CLUAP1: variants seen among roughly 807,000 people sequenced by gnomAD.
CLUAP1 encodes intraflagellar transport 38, also known as clusterin-associated protein 1.
CLUAP1 carries 50 observed loss-of-function variants against 55.0 expected under a neutral mutation model. That is an observed-to-expected ratio of 0.91 (90% CI 0.72 to 1.15). The LOEUF (loss-of-function observed/expected upper bound fraction) is 1.15, where lower values mean the gene tolerates loss of function less well. CLUAP1 is among the 50% of genes most tolerant of loss of function. The pLI is 0.00. For missense variants in CLUAP1, 530 were observed against 507.6 expected, an observed-to-expected ratio of 1.04 and a Z score of -0.42; for synonymous variants, 195 against 175.4, an observed-to-expected ratio of 1.11 and a Z score of -0.88.
rs368618521 is a variant in CLUAP1 at position 3,527,773 on chromosome 16, G to A, written c.928+1289G>A. Among the ~76,000 whole-genome samples, 12 of 152,140 alleles carry A rather than the reference G, an allele frequency of 7.9e-5. No individual in the cohort carries two copies. In the East Asian group the frequency reaches 1.2e-3, roughly 15 times the overall value. On this transcript the variant is annotated intron_variant, in intron 9 of 11. Transcript: ENST00000576634. The stretch of plus-strand genomic sequence containing the variant: ...AAGTACTAAAAGTCTCTGATAAGCA[G>A]AAATAATGGCGTAAGCTGTCTCTCT...
chr16:3,529,729 AT>A (rs2038059750), intron 9 of CLUAP1, among the ~76,000 whole-genome samples: 1 of 40,470 alleles, frequency 2.5e-5, no homozygotes, highest in African/African-American at 1.1e-4. Context: ...TATATATTAT[AT>A]ATATTATTAT....
intron 2 of CLUAP1, among the ~76,000 whole-genome samples, chr16:3,505,498 G>A (rs1443138328): frequency 3.6e-5 from 5 of 140,328 alleles, no homozygotes; most frequent in Non-Finnish European, 7.5e-5. Context: ...AGTGAGCCGA[G>A]ATAGCGCCAC....
Position 3,523,350 on chromosome 16 carries a change from G to A in CLUAP1, c.855+51G>A, listed in dbSNP as rs765602928. ...GCCATTCCTTCTGGTGTGTTATTTT[G>A]TACTGGGTGACAGGTCATTTTGTTA... On this transcript the variant is annotated intron_variant, in intron 8 of 11. Coordinates refer to ENST00000576634, the MANE Select transcript of CLUAP1 (RefSeq NM_015041.3). 4.5e-6 allele frequency: 7 copies of A among 1,548,422 alleles called. No homozygotes were observed. The African/African-American group carries it at 5.6e-5, about 12-fold the overall frequency.
chr16:3,537,098 G>C lies in CLUAP1; in HGVS notation c.*827G>C, dbSNP rs1009140746. The C allele has an allele frequency of 2.0e-5, 3 of 152,202 alleles. No individual in the cohort carries two copies. Among genetic ancestry groups the C allele is most frequent in the African/African-American group, 7.2e-5 (3 of 41,434 alleles). 9.4% of individuals were successfully genotyped at this position (152,202 alleles called of 1,614,324 possible). A position where few individuals can be genotyped will look rare whatever the true frequency, so the allele number is the denominator to read the frequency against. ...GGACACTTTTCTTCCCTCCAGCCAG[G>C]GTTTCTCTAAAGGAGCTTTGTTTTG... On this transcript the variant is annotated 3_prime_UTR_variant, in exon 12 of 12. Coordinates refer to ENST00000576634, the MANE Select transcript of CLUAP1 (RefSeq NM_015041.3).
chr16:3,509,688 G>A (rs1464729759), intron 4 of CLUAP1, among the ~76,000 whole-genome samples: 11 of 152,208 alleles, frequency 7.2e-5, no homozygotes, highest in African/African-American at 1.9e-4. Context: ...GTGTGGCCAC[G>A]CAGGGTACGT....
intron 9 of CLUAP1, among the ~76,000 whole-genome samples, chr16:3,527,959 G>C (rs921645199): frequency 6.6e-6 from 1 of 152,142 alleles, no homozygotes; most frequent in Non-Finnish European, 1.5e-5. Flanking sequence ...CTGGCATTCA[G>C]GGCCACTATC....
At chr16:3,535,810 G>C in intron 11 of CLUAP1, 1 of 295,066 alleles carries the variant, frequency 3.4e-6, no homozygotes, top group Non-Finnish European at 6.4e-6. Context: ...CCATCTGTAG[G>C]GGGAGTCTCT....
chr16:3,504,059 A>G (rs1014611005), intron 1 of CLUAP1, among the ~76,000 whole-genome samples: 23 of 152,322 alleles, frequency 1.5e-4, no homozygotes, highest in African/African-American at 5.3e-4. Flanking sequence ...TGAAAGCACT[A>G]AGGCTTTTCC....
At chr16:3,509,376 G>A (rs2037573951) in intron 4 of CLUAP1, among the ~76,000 whole-genome samples, 1 of 152,246 alleles carries the variant, frequency 6.6e-6, no homozygotes, top group African/African-American at 2.4e-5. Context: ...TGCCTCTAAG[G>A]TGGGAATCGT....
chr16:3,536,057 T>G (rs2038224859), intron 11 of CLUAP1, 65 bp from the exon 12 acceptor site: 1 of 1,578,468 alleles, frequency 6.3e-7, no homozygotes. Context: ...AGGCAGAGAG[T>G]CTTAGGACAA....
chr16:3,523,918 ATCG>A, intron 8 of CLUAP1, among the ~76,000 whole-genome samples: 1 of 152,304 alleles, frequency 6.6e-6, no homozygotes. Flanking sequence ...GTGAGCCAAG[ATCG>A]TGCCACTGTA....
In CLUAP1 at chr16:3,536,554, C is replaced by G; in HGVS notation, c.*283C>G. ...GTGATTCACATCCACGGGACAAAAACTCAAGAAGAAATAAGAGCTGACGCC... is the reference window on the plus strand; with the variant it reads ...GTGATTCACATCCACGGGACAAAAAGTCAAGAAGAAATAAGAGCTGACGCC... On this transcript the variant is annotated 3_prime_UTR_variant, in exon 12 of 12. Coordinates refer to ENST00000576634, the MANE Select transcript of CLUAP1 (RefSeq NM_015041.3). 1 of 263,936 alleles carries G rather than the reference C, an allele frequency of 3.8e-6. No homozygotes were observed. The highest frequency in any genetic ancestry group is 7.2e-6 in the Non-Finnish European group (1 of 138,964). The allele number at this position is 263,936 out of a possible 1,614,324, so 16.3% of individuals were successfully genotyped here. A position where few individuals can be genotyped will look rare whatever the true frequency, so the allele number is the denominator to read the frequency against.
At chr16:3,510,966 A>G (rs1476082783) in intron 4 of CLUAP1, among the ~76,000 whole-genome samples, 1 of 152,198 alleles carries the variant, frequency 6.6e-6, no homozygotes, top group Non-Finnish European at 1.5e-5. Flanking sequence ...CACAGATGGT[A>G]TTAAAGCCTT....
intron 5 of CLUAP1, among the ~76,000 whole-genome samples, chr16:3,514,197 G>T (rs2037687603): frequency 6.6e-6 from 1 of 152,126 alleles, no homozygotes; most frequent in African/African-American, 2.4e-5. Context: ...CTAGAGCTGT[G>T]GCATCATTGT....
intron 4 of CLUAP1, among the ~76,000 whole-genome samples, chr16:3,512,003 A>G (rs764696439): frequency 1.3e-4 from 20 of 151,990 alleles, no homozygotes; most frequent in Non-Finnish European, 2.5e-4. Context: ...CCTGACCAAC[A>G]TGTAGAAATC....
intron 5 of CLUAP1, 34 bp from the exon 6 acceptor site, chr16:3,515,474 G>C: frequency 6.7e-7 from 1 of 1,490,720 alleles, no homozygotes; most frequent in Non-Finnish European, 9.2e-7. Flanking sequence ...CTCCTTTTCT[G>C]AAAATATACG....
At chr16:3,501,573 G>C (rs2037403280) in intron 1 of CLUAP1, among the ~76,000 whole-genome samples, 1 of 151,932 alleles carries the variant, frequency 6.6e-6, no homozygotes, top group South Asian at 2.1e-4. Flanking sequence ...ACCTGAGGTC[G>C]GGAGTTCGAG....
At chr16:3,527,850 C>T (rs1488456150) in intron 9 of CLUAP1, among the ~76,000 whole-genome samples, 1 of 152,190 alleles carries the variant, frequency 6.6e-6, no homozygotes, top group Non-Finnish European at 1.5e-5. Context: ...GCCCCCTGTC[C>T]AGTGGATACG....
chr16:3,521,141 G>A (rs1435636655), intron 7 of CLUAP1, among the ~76,000 whole-genome samples: 1 of 151,080 alleles, frequency 6.6e-6, no homozygotes, highest in Non-Finnish European at 1.5e-5. Flanking sequence ...CCTGAAACTG[G>A]CTCTTTACCT....
Sources: gnomAD v4.1 joint callset for allele counts (sites outside exome capture counted in the v4.1 genomes callset) on GRCh38, gnomAD v4.1.1 for gene constraint, MANE v1.5 for transcripts, NCBI Gene and HGNC (gene_info 2026-07-23, HGNC 2026-07-21) for gene names.